The following ADAMTSL3 variants were observed in gnomAD, a reference collection of about 807,000 sequenced individuals.
ADAMTSL3 encodes the protein ADAMTS-like protein 3.
A neutral mutation model predicts 201.7 loss-of-function variants in ADAMTSL3; 128 were observed. The observed-to-expected ratio is 0.63, with a 90% confidence interval of 0.55 to 0.73. The LOEUF (loss-of-function observed/expected upper bound fraction) is 0.73. Ranked by LOEUF, ADAMTSL3 falls within the 30% of genes least tolerant of loss-of-function variation. The probability of loss-of-function intolerance (pLI) is 0.00; values close to 1 mark genes in which losing one functional copy is unlikely to be tolerated. For missense variants in ADAMTSL3, 1,990 were observed against 2,119.6 expected (o/e 0.94, Z 1.20); for synonymous variants, 738 against 748.4 (o/e 0.99, Z 0.23).
At chr15:83,952,307 G>T (rs578185801) in intron 19 of ADAMTSL3, among the ~76,000 whole-genome samples, 1 of 152,186 alleles carries the variant, frequency 6.6e-6, no homozygotes, top group Non-Finnish European at 1.5e-5. Context: ...ATTCCATTGT[G>T]GTCAGAAAAG....
chr15:83,806,382 G>A (rs1237479780), intron 5 of ADAMTSL3, among the ~76,000 whole-genome samples: 1 of 152,178 alleles, frequency 6.6e-6, no homozygotes, highest in South Asian at 2.1e-4. Context: ...TTACTACATG[G>A]ATTACAGCTG....
At chr15:83,731,406 A>G (rs1333665837) in intron 3 of ADAMTSL3, among the ~76,000 whole-genome samples, 1 of 152,132 alleles carries the variant, frequency 6.6e-6, no homozygotes, top group East Asian at 1.9e-4. Flanking sequence ...ACAAGAGATA[A>G]TAAGTGTTGG....
At chr15:83,843,626 C>A (rs995042538) in intron 7 of ADAMTSL3, among the ~76,000 whole-genome samples, 1 of 152,088 alleles carries the variant, frequency 6.6e-6, no homozygotes, top group Non-Finnish European at 1.5e-5. Flanking sequence ...ATCACTGGAG[C>A]CTGCAGAATC....
chr15:83,699,541 C>T (rs2061738942), intron 2 of ADAMTSL3, among the ~76,000 whole-genome samples: 1 of 152,210 alleles, frequency 6.6e-6, no homozygotes, highest in African/African-American at 2.4e-5. Flanking sequence ...CTTTGTGATT[C>T]CACTTTACCT....
At chr15:83,817,208 A>T (rs2063783725) in intron 5 of ADAMTSL3, among the ~76,000 whole-genome samples, 1 of 152,248 alleles carries the variant, frequency 6.6e-6, no homozygotes, top group Non-Finnish European at 1.5e-5. Flanking sequence ...AAGGAAGTTT[A>T]TAAAGGCCAA....
chr15:83,820,146 G>A, intron 6 of ADAMTSL3, 99 bp downstream of exon 6: 2 of 1,075,412 alleles, frequency 1.9e-6, no homozygotes, highest in Non-Finnish European at 2.8e-6. Flanking sequence ...TCATGCAGAT[G>A]TAAATATTGC....
chr15:83,892,964 C>A, intron 13 of ADAMTSL3, 76 bp downstream of exon 13: 3 of 1,392,394 alleles, frequency 2.2e-6, no homozygotes, highest in Non-Finnish European at 2.0e-6. Flanking sequence ...CACCATGGTG[C>A]TAGACAGCAT....
At chr15:83,975,329 C>A (rs1301605315) in intron 20 of ADAMTSL3, among the ~76,000 whole-genome samples, 1 of 152,022 alleles carries the variant, frequency 6.6e-6, no homozygotes, top group Non-Finnish European at 1.5e-5. Flanking sequence ...CTCCAGCCTC[C>A]TACACACCTC....
Position 83,865,210 on chromosome 15 carries a change from C to T in ADAMTSL3, c.803-5592C>T, listed in dbSNP as rs1173791291. Among the ~76,000 whole-genome samples, 13 of 152,198 alleles carry T rather than the reference C, an allele frequency of 8.5e-5. No individual in the cohort carries two copies. The South Asian group carries it at 1.2e-3, about 15-fold the overall frequency. On this transcript the variant is annotated intron_variant, in intron 8 of 29. Transcript: ENST00000286744. ...TGCCCAAGGTAATTTATAGATTCAA[C>T]GCCATCCCCATCAAGCTACCAATGA...
intron 5 of ADAMTSL3, among the ~76,000 whole-genome samples, chr15:83,811,235 C>CACACACA (rs2063690838): frequency 6.6e-6 from 1 of 152,188 alleles, no homozygotes; most frequent in Non-Finnish European, 1.5e-5. Context: ...CAAGGTGGTG[C>CACACACA]ATTATTTTGC....
intron 20 of ADAMTSL3, among the ~76,000 whole-genome samples, chr15:83,973,668 A>G (rs1447425994): frequency 6.6e-6 from 1 of 152,154 alleles, no homozygotes; most frequent in Non-Finnish European, 1.5e-5. Context: ...TTCTCTATCA[A>G]TGAACTTGTC....
rs143528815 is a variant in ADAMTSL3, at chr15:83,721,648, A to C, written c.189+17140A>C. ...GAGAAGGGGACCTCCAATTCTCTAA[A>C]CACTCTTAGATGTTGCCTTCTTCTG... On this transcript the variant is annotated intron_variant, in intron 3 of 29. Transcript: ENST00000286744. Among the ~76,000 whole-genome samples the C allele has an allele frequency of 3.9e-4, 60 of 152,320 alleles. No individual in the cohort carries two copies. The East Asian group carries it at 6.4e-3, about 16-fold the overall frequency.
intron 15 of ADAMTSL3, among the ~76,000 whole-genome samples, chr15:83,903,842 C>T (rs891084439): frequency 2.1e-5 from 3 of 144,256 alleles, no homozygotes; most frequent in East Asian, 2.1e-4. Flanking sequence ...TGCTTCATCT[C>T]GGGAGGCAGA....
rs116244708 is a variant in ADAMTSL3, at chr15:83,875,908, G to A, written c.960+4949G>A. ...AGACTGGAAAGGAGAAATGGATGCT[G>A]GTAGGCAATGAAATGTGTCTACTAC... On this transcript the variant is annotated intron_variant, in intron 9 of 29. Coordinates refer to ENST00000286744, the MANE Select transcript of ADAMTSL3 (RefSeq NM_207517.3). Among the ~76,000 whole-genome samples, 1,304 of 152,266 alleles carry A rather than the reference G, an allele frequency of 8.6e-3. 15 individuals carry two copies. Among genetic ancestry groups the A allele is most frequent in the African/African-American group, 0.029 (1,216 of 41,558 alleles).
At chr15:83,814,883 A>G (rs2063749511) in intron 5 of ADAMTSL3, among the ~76,000 whole-genome samples, 3 of 152,172 alleles carry the variant, frequency 2.0e-5, no homozygotes, top group Non-Finnish European at 2.9e-5. Context: ...TCTCTCTTGC[A>G]TAAAAGTACT....
chr15:83,843,089 G>C (rs2064415996), intron 7 of ADAMTSL3, among the ~76,000 whole-genome samples: 1 of 152,196 alleles, frequency 6.6e-6, no homozygotes, highest in Non-Finnish European at 1.5e-5. Flanking sequence ...GATTACATAT[G>C]CTTTTGAGAA....
At chr15:83,831,709 G>A (rs56144439) in intron 6 of ADAMTSL3, among the ~76,000 whole-genome samples, 16,110 of 152,018 alleles carry the variant, frequency 0.11, 1,053 homozygotes, top group East Asian at 0.32. Flanking sequence ...AGATTCTTCC[G>A]TAGAAATCCT....
At chr15:84,009,824 T>A (rs1219188984) in intron 23 of ADAMTSL3, among the ~76,000 whole-genome samples, 1 of 151,384 alleles carries the variant, frequency 6.6e-6, no homozygotes, top group Non-Finnish European at 1.5e-5. Context: ...CCGGAAATGC[T>A]CTCCCTGGAG....
chr15:83,853,900 CTCTA>C (rs1266299700), intron 7 of ADAMTSL3, among the ~76,000 whole-genome samples: 30 of 127,496 alleles, frequency 2.4e-4, no homozygotes, highest in African/African-American at 9.0e-4. Flanking sequence ...ATCCCTATCA[CTCTA>C]TCTCTATCTA....
Sources: allele counts gnomAD v4.1 joint callset (sites outside exome capture counted in the v4.1 genomes callset), GRCh38; gene constraint gnomAD v4.1.1; transcripts MANE v1.5; gene names NCBI Gene and HGNC (gene_info 2026-07-23, HGNC 2026-07-21).